Variants in PEBP4 observed in about 807,000 individuals in gnomAD.
PEBP4 encodes phosphatidylethanolamine-binding protein 4.
Under a neutral mutation model 23.9 loss-of-function variants are expected in PEBP4, and 22 were observed. The ratio of observed to expected loss-of-function variants is 0.92; its 90% CI spans 0.66 to 1.31. The LOEUF is 1.31. PEBP4 is among the 40% of genes most tolerant of loss of function. The pLI is 0.00. For synonymous variants in PEBP4, 112 were observed against 99.3 expected (o/e 1.13, Z -0.76); for missense variants, 324 against 281.7 (o/e 1.15, Z -1.07).
chr8:22,905,740 AC>A (rs1373498933), intron 3 of PEBP4, among the ~76,000 whole-genome samples: 1 of 152,210 alleles, frequency 6.6e-6, no homozygotes, highest in African/African-American at 2.4e-5. Context: ...CTCCCACCTC[AC>A]AGGTCTCAGC....
At chr8:22,781,718 G>T (rs1425920322) in intron 4 of PEBP4, among the ~76,000 whole-genome samples, 1 of 152,198 alleles carries the variant, frequency 6.6e-6, no homozygotes. Flanking sequence ...CCTGGCCTCT[G>T]CCCCAATCCC....
At chr8:22,892,080 A>C (rs1808506785) in intron 3 of PEBP4, among the ~76,000 whole-genome samples, 1 of 152,144 alleles carries the variant, frequency 6.6e-6, no homozygotes, top group South Asian at 2.1e-4. Context: ...CTCAGAAAAA[A>C]AAAAAAAGAA....
chr8:22,850,252 G>A (rs551289113), intron 3 of PEBP4, among the ~76,000 whole-genome samples: 1 of 152,270 alleles, frequency 6.6e-6, no homozygotes, highest in East Asian at 1.9e-4. Context: ...GAGTTGATGA[G>A]ACCCTCCTGA....
chr8:22,919,639 C>T (rs1809157067), intron 3 of PEBP4, among the ~76,000 whole-genome samples: 1 of 152,194 alleles, frequency 6.6e-6, no homozygotes, highest in Admixed American at 6.5e-5. Context: ...TCTTCTTTTA[C>T]ACAACTTTGG....
chr8:22,915,096 C>T (rs1809045292), intron 3 of PEBP4, among the ~76,000 whole-genome samples: 1 of 152,148 alleles, frequency 6.6e-6, no homozygotes, highest in African/African-American at 2.4e-5. Flanking sequence ...AGCCCCCAAG[C>T]TCTATGGGTT....
At chr8:22,736,136 C>T (rs1006075261) in intron 4 of PEBP4, among the ~76,000 whole-genome samples, 1 of 152,152 alleles carries the variant, frequency 6.6e-6, no homozygotes, top group Non-Finnish European at 1.5e-5. Context: ...AAGTTACTTT[C>T]AGTCCCTGAC....
intron 6 of PEBP4, among the ~76,000 whole-genome samples, chr8:22,719,386 T>G (rs1804476986): frequency 6.6e-6 from 1 of 152,138 alleles, no homozygotes; most frequent in East Asian, 1.9e-4. Context: ...TGAGGCTGGC[T>G]TGTGACACCT....
intron 1 of PEBP4, among the ~76,000 whole-genome samples, chr8:22,934,825 C>T (rs1432834419): frequency 6.6e-6 from 1 of 152,158 alleles, no homozygotes; most frequent in Non-Finnish European, 1.5e-5. Flanking sequence ...AAGTTATAAA[C>T]TGGCAGATTA....
chr8:22,739,005 T>C (rs7841894), intron 4 of PEBP4, among the ~76,000 whole-genome samples: 121,931 of 152,136 alleles, frequency 0.8, 48,895 homozygotes, highest in East Asian at 0.86. Context: ...GCTGGGACCA[T>C]GCAATTAGGA....
chr8:22,926,707 G>A (rs1391025606), intron 2 of PEBP4, among the ~76,000 whole-genome samples: 1 of 152,126 alleles, frequency 6.6e-6, no homozygotes, highest in African/African-American at 2.4e-5. Flanking sequence ...TGTATTTATG[G>A]TTCTAAAAGT....
chr8:22,865,514 G>C lies in PEBP4; in HGVS notation c.259-47779C>G, dbSNP rs973112818. On this transcript the variant is annotated intron_variant, in intron 3 of 6. Coordinates refer to ENST00000256404, the MANE Select transcript of PEBP4 (RefSeq NM_144962.3). This position sits in a 1 kb window ranked among gnomAD's most constrained non-coding sequence, Gnocchi z 6.9. ...CGGCCGCGCAGCGAGAAGGAGCCTC[G>C]GGGAAGAGCTAAAAAAGGCAAGGCG... Among the ~76,000 whole-genome samples, 8 of 151,890 alleles carry C rather than the reference G, an allele frequency of 5.3e-5. No individual in the cohort carries two copies. The highest frequency in any genetic ancestry group is 2.4e-5 in the African/African-American group (1 of 41,374).
chr8:22,907,235 G>A (rs1260015693), intron 3 of PEBP4, among the ~76,000 whole-genome samples: 1 of 152,242 alleles, frequency 6.6e-6, no homozygotes, highest in Non-Finnish European at 1.5e-5. Flanking sequence ...AAGGCGAGCA[G>A]ATCACTCCGA....
intron 5 of PEBP4, among the ~76,000 whole-genome samples, chr8:22,725,999 A>ATGTG (rs10680983): frequency 0.24 from 35,108 of 146,236 alleles, 4,581 homozygotes; most frequent in Middle Eastern, 0.32. Flanking sequence ...GATCAGATAT[A>ATGTG]TGTGTGTGTG....
rs1448263584 is a variant in PEBP4 at position 22,773,409 on chromosome 8, G to A, written c.357+44228C>T. On this transcript the variant is annotated intron_variant, in intron 4 of 6. Coordinates refer to ENST00000256404, the MANE Select transcript of PEBP4 (RefSeq NM_144962.3). ...CAGGGCACAAAGCTGGAGGAGACCC[G>A]TGACCCCAGGGAAGAAAGGCGGGGA... is the stretch of plus-strand genomic sequence containing the variant. Among the ~76,000 whole-genome samples the A allele has an allele frequency of 3.3e-5, 5 of 152,236 alleles. No individual in the cohort carries two copies. The South Asian group carries it at 8.3e-4, about 25-fold the overall frequency.
intron 3 of PEBP4, among the ~76,000 whole-genome samples, chr8:22,909,409 A>G (rs749464611): frequency 2.6e-5 from 4 of 152,200 alleles, no homozygotes; most frequent in Non-Finnish European, 5.9e-5. Flanking sequence ...CCTAACCCGC[A>G]GTAAAGAAAT....
chr8:22,842,817 C>T (rs1807355571), intron 3 of PEBP4, among the ~76,000 whole-genome samples: 1 of 152,102 alleles, frequency 6.6e-6, no homozygotes, highest in Non-Finnish European at 1.5e-5. Flanking sequence ...TTTTGAACTA[C>T]AGGCCCTGAA....
intron 3 of PEBP4, among the ~76,000 whole-genome samples, chr8:22,901,700 G>A (rs904988844): frequency 3.0e-4 from 45 of 152,320 alleles, no homozygotes; most frequent in African/African-American, 1.1e-3. Context: ...GGAGCACGCT[G>A]ACAGAACCCT....
At chr8:22,808,192 A>C (rs1585284092) in intron 4 of PEBP4, among the ~76,000 whole-genome samples, 3 of 129,692 alleles carry the variant, frequency 2.3e-5, no homozygotes, top group African/African-American at 2.9e-5. Flanking sequence ...CACCTATCCA[A>C]CTTCCATCCA....
At chr8:22,931,433 C>T (rs754963329), upstream of PEBP4, among the ~76,000 whole-genome samples, 5 of 152,002 alleles carry the variant, frequency 3.3e-5, no homozygotes, top group Admixed American at 6.6e-5. Flanking sequence ...ATCTATTTTC[C>T]GTCTCTATGA....
Sources: gnomAD v4.1 joint callset for allele counts (sites outside exome capture counted in the v4.1 genomes callset) on GRCh38, gnomAD v4.1.1 for gene constraint, Gnocchi (gnomAD v3.1) non-coding constraint, MANE v1.5 for transcripts, NCBI Gene and HGNC (gene_info 2026-07-23, HGNC 2026-07-21) for gene names.